Variants in SCHIP1 observed in about 807,000 individuals in gnomAD.
SCHIP1 encodes schwannomin interacting protein 1.
In SCHIP1, 8 loss-of-function variants were observed where a neutral mutation model predicts 29.7. The observed-to-expected ratio is 0.27, with a 90% CI of 0.16 to 0.49. The LOEUF (loss-of-function observed/expected upper bound fraction) is 0.49. Among genes scored for constraint, SCHIP1 ranks in the 20% least tolerant of loss-of-function variants. SCHIP1 has a pLI of 0.99. For missense variants in SCHIP1, 193 were observed against 294.6 expected, an observed-to-expected ratio of 0.66 and a Z score of 2.52; for synonymous variants, 76 against 94.9, an observed-to-expected ratio of 0.80 and a Z score of 1.16.
At chr3:159,393,784 C>T in the SCHIP1 span, among the ~76,000 whole-genome samples, 1 of 151,568 alleles carries the variant, frequency 6.6e-6, no homozygotes, top group African/African-American at 2.4e-5. Flanking sequence ...TTAGGATTGA[C>T]TTGGCGATGC....
chr3:159,337,383 A>G, the SCHIP1 span, among the ~76,000 whole-genome samples: 1 of 152,278 alleles, frequency 6.6e-6, no homozygotes, highest in East Asian at 1.9e-4. Context: ...AGCACATTCA[A>G]TTAGGAAAAG....
chr3:159,550,804 G>A, the SCHIP1 span, among the ~76,000 whole-genome samples: 1 of 152,032 alleles, frequency 6.6e-6, no homozygotes, highest in African/African-American at 2.4e-5. Flanking sequence ...CAGAAAAACT[G>A]CTACAACAAA....
chr3:159,695,864 T>G, the SCHIP1 span, among the ~76,000 whole-genome samples: 5 of 152,154 alleles, frequency 3.3e-5, no homozygotes, highest in African/African-American at 1.2e-4. Context: ...ATTCCCTTCC[T>G]GCTCACTAAC....
chr3:159,719,357 G>C, the SCHIP1 span, among the ~76,000 whole-genome samples: 9 of 152,250 alleles, frequency 5.9e-5, no homozygotes, highest in South Asian at 1.2e-3. Context: ...CAAAAGCAAT[G>C]GCAACAGTAG....
At chr3:159,540,970 T>A in the SCHIP1 span, among the ~76,000 whole-genome samples, 7 of 152,016 alleles carry the variant, frequency 4.6e-5, no homozygotes, top group Non-Finnish European at 8.8e-5. Context: ...CACTAACCCA[T>A]CAAAACAAGG....
chr3:159,501,537 T>G, the SCHIP1 span, among the ~76,000 whole-genome samples: 1 of 152,208 alleles, frequency 6.6e-6, no homozygotes, highest in African/African-American at 2.4e-5. Context: ...GGCCTTCCAT[T>G]TATGTGTTAA....
the SCHIP1 span, among the ~76,000 whole-genome samples, chr3:159,473,875 C>T: frequency 6.6e-6 from 1 of 151,968 alleles, no homozygotes; most frequent in Non-Finnish European, 1.5e-5. Context: ...TTAAGTGCTA[C>T]ATAGTTTACA....
chr3:159,827,194 G>A, the SCHIP1 span, among the ~76,000 whole-genome samples: 1 of 152,152 alleles, frequency 6.6e-6, no homozygotes, highest in African/African-American at 2.4e-5. Flanking sequence ...CTGAGAGAAT[G>A]AAAATGAGAA....
the SCHIP1 span, among the ~76,000 whole-genome samples, chr3:159,705,623 C>T: frequency 6.6e-6 from 1 of 152,138 alleles, no homozygotes. Flanking sequence ...TGAAGATGGT[C>T]AACATCAGAA....
the SCHIP1 span, among the ~76,000 whole-genome samples, chr3:159,687,241 T>C: frequency 6.6e-6 from 1 of 152,024 alleles, no homozygotes; most frequent in Non-Finnish European, 1.5e-5. Flanking sequence ...AACTTATCTG[T>C]CTGTTTTTTC....
At chr3:159,507,975 G>A in the SCHIP1 span, among the ~76,000 whole-genome samples, 1 of 152,150 alleles carries the variant, frequency 6.6e-6, no homozygotes, top group African/African-American at 2.4e-5. Flanking sequence ...GATGATGCTG[G>A]CCTCATAAAA....
chr3:159,448,724 C>T, the SCHIP1 span, among the ~76,000 whole-genome samples: 4 of 152,148 alleles, frequency 2.6e-5, no homozygotes, highest in African/African-American at 9.7e-5. Flanking sequence ...TGTGTCATCC[C>T]TGTGCTACAA....
At chr3:159,337,002 A>G in the SCHIP1 span, among the ~76,000 whole-genome samples, 2 of 152,076 alleles carry the variant, frequency 1.3e-5, no homozygotes, top group Non-Finnish European at 2.9e-5. Context: ...ATTTGTTTGT[A>G]TCCTCTTTTA....
chr3:159,808,139 ATTGTT>A, the SCHIP1 span, among the ~76,000 whole-genome samples: 4 of 152,168 alleles, frequency 2.6e-5, no homozygotes, highest in Admixed American at 2.0e-4. Flanking sequence ...TAAAAATTCA[ATTGTT>A]TTGTTTTTAT....
chr3:159,593,947 T>TGATC, the SCHIP1 span, among the ~76,000 whole-genome samples: 1 of 152,232 alleles, frequency 6.6e-6, no homozygotes, highest in African/African-American at 2.4e-5. Context: ...ATTGCCTCTG[T>TGATC]GATCACCTCT....
the SCHIP1 span, among the ~76,000 whole-genome samples, chr3:159,448,101 A>C: frequency 6.6e-6 from 1 of 152,196 alleles, no homozygotes; most frequent in African/African-American, 2.4e-5. Flanking sequence ...TCCAGTCAGG[A>C]TAATAATCTC....
chr3:159,675,674 A>T, the SCHIP1 span, among the ~76,000 whole-genome samples: 1 of 152,218 alleles, frequency 6.6e-6, no homozygotes, highest in Non-Finnish European at 1.5e-5. Flanking sequence ...ATCTTCACTT[A>T]TTAGGCCAGT....
At chr3:159,671,346 C>A in the SCHIP1 span, among the ~76,000 whole-genome samples, 2 of 152,134 alleles carry the variant, frequency 1.3e-5, no homozygotes, top group South Asian at 4.2e-4. Context: ...CCACTCTGAG[C>A]CCTAGGCAGT....
intron 5 of SCHIP1, among the ~76,000 whole-genome samples, chr3:159,890,155 G>A (rs748013872): frequency 3.7e-4 from 56 of 151,934 alleles, no homozygotes; most frequent in Middle Eastern, 3.4e-3. Flanking sequence ...ACCTACTGAA[G>A]CATTTACAGA....
Sources: allele counts gnomAD v4.1 joint callset (sites outside exome capture counted in the v4.1 genomes callset), GRCh38; gene constraint gnomAD v4.1.1; transcripts MANE v1.5; gene names NCBI Gene and HGNC (gene_info 2026-07-23, HGNC 2026-07-21).